UVRAG: variants seen among roughly 807,000 people sequenced by gnomAD.
UVRAG encodes the protein UV radiation resistance-associated gene protein.
In UVRAG, 19 loss-of-function variants were observed where a neutral mutation model predicts 78.0. The ratio of observed to expected loss-of-function variants is 0.24; its 90% CI spans 0.17 to 0.36. UVRAG has a LOEUF of 0.36. UVRAG is among the 10% of genes least tolerant of loss of function. The pLI is 1.00. For synonymous variants in UVRAG, 323 were observed against 324.6 expected (o/e 1.00, Z 0.05); for missense variants, 740 against 853.8 (o/e 0.87, Z 1.66).
At chr11:75,989,674 A>G (rs553518418) in intron 8 of UVRAG, among the ~76,000 whole-genome samples, 11 of 152,322 alleles carry the variant, frequency 7.2e-5, no homozygotes, top group Admixed American at 2.0e-4. Context: ...TGGTTCTTCA[A>G]AGACATGCTC....
intron 7 of UVRAG, among the ~76,000 whole-genome samples, chr11:75,971,892 T>C (rs1949129228): frequency 2.0e-5 from 3 of 152,152 alleles, no homozygotes; most frequent in Admixed American, 2.0e-4. Context: ...GGTTTTGCCA[T>C]GTTGGCCAGG....
At chr11:75,891,467 T>G (rs1947211800) in intron 5 of UVRAG, among the ~76,000 whole-genome samples, 1 of 152,216 alleles carries the variant, frequency 6.6e-6, no homozygotes, top group Non-Finnish European at 1.5e-5. Flanking sequence ...ATAGCTAAAA[T>G]GTATTGAGCA....
At chr11:75,996,848 A>T (rs1234038355) in intron 8 of UVRAG, among the ~76,000 whole-genome samples, 5 of 152,170 alleles carry the variant, frequency 3.3e-5, no homozygotes, top group Non-Finnish European at 5.9e-5. Context: ...TGCCTTCCAT[A>T]GAATCTGCTT....
intron 12 of UVRAG, among the ~76,000 whole-genome samples, chr11:76,026,394 TAATC>T (rs1950327158): frequency 1.3e-5 from 2 of 152,164 alleles, no homozygotes; most frequent in South Asian, 2.1e-4. Flanking sequence ...TTCTGTTTGT[TAATC>T]AAGCTATTTT....
chr11:75,994,459 A>G (rs1949668700), intron 8 of UVRAG, among the ~76,000 whole-genome samples: 1 of 152,166 alleles, frequency 6.6e-6, no homozygotes, highest in African/African-American at 2.4e-5. Flanking sequence ...TCAACTCTAA[A>G]TTCTGTGCTT....
chr11:76,033,966 A>G (rs1950482182), intron 12 of UVRAG, among the ~76,000 whole-genome samples: 1 of 152,188 alleles, frequency 6.6e-6, no homozygotes, highest in Non-Finnish European at 1.5e-5. Flanking sequence ...ACTCAACCTA[A>G]GAACCTCAAT....
chr11:76,070,269 C>CA (rs1398822629), intron 13 of UVRAG, among the ~76,000 whole-genome samples: 1 of 151,964 alleles, frequency 6.6e-6, no homozygotes, highest in Non-Finnish European at 1.5e-5. Context: ...TAACTAGAAA[C>CA]AGAGAGTAGG....
intron 7 of UVRAG, among the ~76,000 whole-genome samples, chr11:75,973,977 C>G (rs1320502685): frequency 6.6e-6 from 1 of 152,186 alleles, no homozygotes; most frequent in Non-Finnish European, 1.5e-5. Context: ...TGGGTTGATT[C>G]CAAGTCTTTG....
intron 1 of UVRAG, among the ~76,000 whole-genome samples, chr11:75,816,111 A>G (rs573247827): frequency 1.3e-5 from 2 of 152,306 alleles, no homozygotes; most frequent in South Asian, 4.1e-4. Context: ...TCCGAGTCCC[A>G]AGGAACGCAT....
chr11:75,884,212 G>GTCTCTCTCTCTCTCTCTCTCTC (rs138821865), intron 4 of UVRAG, among the ~76,000 whole-genome samples: 52 of 144,164 alleles, frequency 3.6e-4, no homozygotes, highest in African/African-American at 1.3e-3. Context: ...TTTGAGATCA[G>GTCTCTCTCTCTCTCTCTCTCTC]TCTCTCTCTC....
intron 13 of UVRAG, among the ~76,000 whole-genome samples, chr11:76,112,714 ATTTCTT>A (rs1200989513): frequency 2.0e-5 from 3 of 148,792 alleles, no homozygotes; most frequent in Non-Finnish European, 4.4e-5. Context: ...TTTTTATTCT[ATTTCTT>A]TTTTCTTTTC....
At chr11:75,853,504 G>T (rs1305518175) in intron 2 of UVRAG, among the ~76,000 whole-genome samples, 1 of 152,054 alleles carries the variant, frequency 6.6e-6, no homozygotes, top group Non-Finnish European at 1.5e-5. Flanking sequence ...GGGATTACGG[G>T]CACATGCCAC....
intron 12 of UVRAG, among the ~76,000 whole-genome samples, chr11:76,054,604 A>G (rs1197067696): frequency 1.3e-5 from 2 of 152,142 alleles, no homozygotes; most frequent in Non-Finnish European, 2.9e-5. Flanking sequence ...GAATGTGACT[A>G]TACCAGGCAT....
chr11:76,030,320 A>T (rs1218028298), intron 12 of UVRAG, among the ~76,000 whole-genome samples: 3 of 152,170 alleles, frequency 2.0e-5, no homozygotes, highest in Non-Finnish European at 4.4e-5. Flanking sequence ...GCTGTGAGCC[A>T]CAACACCCGG....
chr11:76,109,746 C>T (rs1952037799), intron 13 of UVRAG, among the ~76,000 whole-genome samples: 1 of 152,214 alleles, frequency 6.6e-6, no homozygotes, highest in South Asian at 2.1e-4. Context: ...GTCCTTTCCT[C>T]CTCGACCTGG....
chr11:76,085,925 GCC>G (rs1008593120), intron 13 of UVRAG, among the ~76,000 whole-genome samples: 2 of 152,068 alleles, frequency 1.3e-5, no homozygotes, highest in African/African-American at 4.8e-5. Flanking sequence ...GACACCCCAT[GCC>G]TGCTGACACC....
At chr11:76,057,490 A>G (rs1409550529) in intron 12 of UVRAG, among the ~76,000 whole-genome samples, 1 of 152,216 alleles carries the variant, frequency 6.6e-6, no homozygotes, top group African/African-American at 2.4e-5. Context: ...CAGAAATATT[A>G]TTTTAAAATG....
chr11:75,960,927 C>T (rs950273119), intron 6 of UVRAG, among the ~76,000 whole-genome samples: 3 of 152,058 alleles, frequency 2.0e-5, no homozygotes, highest in Admixed American at 6.6e-5. Context: ...TATTTAATTC[C>T]TCCTATTACT....
intron 13 of UVRAG, among the ~76,000 whole-genome samples, chr11:76,112,489 A>G (rs540784901): frequency 1.3e-5 from 2 of 152,332 alleles, no homozygotes; most frequent in African/African-American, 4.8e-5. Context: ...AAAGAAGACA[A>G]TCTAGGAAAT....
Sources: gnomAD v4.1 joint callset for allele counts (sites outside exome capture counted in the v4.1 genomes callset) on GRCh38, gnomAD v4.1.1 for gene constraint, MANE v1.5 for transcripts, NCBI Gene and HGNC (gene_info 2026-07-23, HGNC 2026-07-21) for gene names.